The following MRRF variants were observed in gnomAD, a reference collection of about 807,000 sequenced individuals.
MRRF encodes the protein ribosome-recycling factor, mitochondrial.
Under a neutral mutation model 25.1 loss-of-function variants are expected in MRRF, and 18 were observed. The observed-to-expected ratio is 0.72, with a 90% CI of 0.50 to 1.06. The LOEUF is 1.06. MRRF is among the 50% of genes least tolerant of loss of function. MRRF has a pLI of 0.00. For synonymous variants in MRRF, 113 were observed against 112.1 expected, an observed-to-expected ratio of 1.01 and a Z score of -0.05; for missense variants, 323 against 319.3, an observed-to-expected ratio of 1.01 and a Z score of -0.09.
chr9:122,309,083 C>T (rs1015979373), intron 5 of MRRF, among the ~76,000 whole-genome samples: 4 of 152,118 alleles, frequency 2.6e-5, no homozygotes, highest in Non-Finnish European at 2.9e-5. Context: ...TTCTACTTTC[C>T]GTCTCTATGA....
chr9:122,276,701 A>G (rs1832795234), intron 2 of MRRF, among the ~76,000 whole-genome samples: 1 of 152,194 alleles, frequency 6.6e-6, no homozygotes, highest in Admixed American at 6.5e-5. Context: ...TAGAAGGTCC[A>G]AGTGTGCTTG....
chr9:122,278,151 T>C (rs2119081827), intron 2 of MRRF, among the ~76,000 whole-genome samples: 1 of 152,278 alleles, frequency 6.6e-6, no homozygotes, highest in Middle Eastern at 3.4e-3. Flanking sequence ...CTCTCTCTTT[T>C]TTAAATTCTG....
intron 6 of MRRF, among the ~76,000 whole-genome samples, chr9:122,320,680 G>A (rs1322457589): frequency 1.3e-5 from 2 of 152,230 alleles, no homozygotes; most frequent in Non-Finnish European, 2.9e-5. Context: ...CTGAAAAAAT[G>A]CACAGCTGTT....
Position 122,325,828 on chromosome 9 carries a change from T to G in MRRF, c.*3211T>G, listed in dbSNP as rs1836123828. On this transcript the variant is annotated 3_prime_UTR_variant, in exon 7 of 7. Coordinates refer to ENST00000344641, the MANE Select transcript of MRRF (RefSeq NM_138777.5). ...TGTGTGTGTGTGTGTGTTCGTTTCATTTTGTTTTGCCTTTGAGACAGTGTC... is the reference window on the plus strand; with the variant it reads ...TGTGTGTGTGTGTGTGTTCGTTTCAGTTTGTTTTGCCTTTGAGACAGTGTC... The G allele has an allele frequency of 6.6e-6, 1 of 152,126 alleles. No individual in the cohort carries two copies. Among genetic ancestry groups the G allele is most frequent in the Non-Finnish European group, 1.5e-5 (1 of 68,110 alleles). 9.4% of individuals were successfully genotyped at this position (152,126 alleles called of 1,614,324 possible).
rs1206977097 is a variant in MRRF at position 122,325,027 on chromosome 9, T to A, written c.*2410T>A. ...TTCATGAGTGGCCGAAATCCCCCAC[T>A]CACTGCAAATGTGCTTCTCAAAGAT... On this transcript the variant is annotated 3_prime_UTR_variant, in exon 7 of 7. Transcript: ENST00000344641. 6.6e-6 allele frequency: 1 copy of A among 152,204 alleles called. No individual in the cohort carries two copies. Among genetic ancestry groups the A allele is most frequent in the Non-Finnish European group, 1.5e-5 (1 of 68,034 alleles). The allele number at this position is 152,204 out of a possible 1,614,324, so 9.4% of individuals were successfully genotyped here.
At chr9:122,276,497 C>T (rs1416415761) in intron 2 of MRRF, among the ~76,000 whole-genome samples, 2 of 152,142 alleles carry the variant, frequency 1.3e-5, no homozygotes, top group Non-Finnish European at 2.9e-5. Context: ...GGTCATTTCT[C>T]AATATTTAAA....
At chr9:122,271,857 G>A (rs1464366424) in intron 2 of MRRF, among the ~76,000 whole-genome samples, 2 of 152,180 alleles carry the variant, frequency 1.3e-5, no homozygotes, top group Non-Finnish European at 2.9e-5. Context: ...TGGTGGATCA[G>A]GGAGTCCTCC....
At chr9:122,293,846 G>T (rs1043520572) in intron 5 of MRRF, among the ~76,000 whole-genome samples, 3 of 152,098 alleles carry the variant, frequency 2.0e-5, no homozygotes, top group Admixed American at 2.0e-4. Context: ...AATTACTAGG[G>T]CCCACATTTA....
intron 1 of MRRF, among the ~76,000 whole-genome samples, chr9:122,267,283 A>G (rs1308827631): frequency 6.6e-6 from 1 of 150,880 alleles, no homozygotes; most frequent in Non-Finnish European, 1.5e-5. Flanking sequence ...CAGGAGGCTG[A>G]GGCAGGAGAA....
intron 2 of MRRF, among the ~76,000 whole-genome samples, chr9:122,279,937 A>G (rs914554467): frequency 9.2e-5 from 14 of 152,252 alleles, no homozygotes; most frequent in African/African-American, 3.4e-4. Context: ...ATCTGGAACC[A>G]GATCTTGACT....
At position 122,286,020 on chromosome 9, in the gene MRRF, T is replaced by C. The variant is rs769512905; in HGVS notation, c.459+733T>C. 3.3e-4 allele frequency: 424 copies of C among 1,300,820 alleles called. 1 individual carries two copies. Among genetic ancestry groups the C allele is most frequent in the South Asian group, 4.1e-4 (33 of 81,038 alleles). 80.6% of individuals were successfully genotyped at this position (1,300,820 alleles called of 1,614,324 possible). A position where few individuals can be genotyped will look rare whatever the true frequency, so the allele number is the denominator to read the frequency against. Reference sequence around the variant, plus strand: ...GTAGTTGAAGAAGGTAATTGGGCTTTTTGTTATTGGTCCACTAGGAATTGG... The same window carrying C: ...GTAGTTGAAGAAGGTAATTGGGCTTCTTGTTATTGGTCCACTAGGAATTGG... On this transcript the variant is annotated intron_variant, in intron 4 of 6. Coordinates refer to ENST00000344641, the MANE Select transcript of MRRF (RefSeq NM_138777.5).
intron 5 of MRRF, among the ~76,000 whole-genome samples, chr9:122,307,713 T>C (rs1480401882): frequency 6.6e-6 from 1 of 152,234 alleles, no homozygotes; most frequent in Non-Finnish European, 1.5e-5. Flanking sequence ...AGAGGCTGAA[T>C]AGCATACTCA....
chr9:122,291,301 G>T (rs1272355094), intron 4 of MRRF, among the ~76,000 whole-genome samples: 23 of 152,166 alleles, frequency 1.5e-4, no homozygotes, highest in Admixed American at 9.2e-4. Flanking sequence ...GTGCAGATGC[G>T]AATGAGTTAA....
At chr9:122,288,324 TTGTC>T (rs1214384526) in intron 4 of MRRF, among the ~76,000 whole-genome samples, 3 of 152,250 alleles carry the variant, frequency 2.0e-5, no homozygotes, top group African/African-American at 7.2e-5. Flanking sequence ...TGTGTATTGA[TTGTC>T]TGCTTTGTTG....
At chr9:122,269,121 G>A (rs1284597371) in intron 1 of MRRF, among the ~76,000 whole-genome samples, 3 of 151,120 alleles carry the variant, frequency 2.0e-5, no homozygotes. Flanking sequence ...AGCCGAGATC[G>A]TGCCACTGCA....
At chr9:122,299,007 G>A (rs1364703302) in intron 5 of MRRF, among the ~76,000 whole-genome samples, 3 of 152,048 alleles carry the variant, frequency 2.0e-5, no homozygotes, top group African/African-American at 7.2e-5. Flanking sequence ...AGCAAGAAGT[G>A]CAAAGGCCCT....
At chr9:122,284,875 T>C (rs1040929408) in intron 3 of MRRF, among the ~76,000 whole-genome samples, 10 of 152,308 alleles carry the variant, frequency 6.6e-5, no homozygotes, top group Middle Eastern at 3.4e-3. Flanking sequence ...CCTCTACCTC[T>C]TGGGTTTGAG....
chr9:122,310,652 A>G (rs1040561348), intron 5 of MRRF, among the ~76,000 whole-genome samples: 1 of 152,234 alleles, frequency 6.6e-6, no homozygotes, highest in Non-Finnish European at 1.5e-5. Flanking sequence ...GCCTCTGGAA[A>G]AGGTGGGCCA....
intron 2 of MRRF, among the ~76,000 whole-genome samples, chr9:122,271,325 T>C (rs567569290): frequency 6.6e-6 from 1 of 152,376 alleles, no homozygotes; most frequent in African/African-American, 2.4e-5. Flanking sequence ...GCCTAATTTC[T>C]TTCTTTTAGA....
Sources: gnomAD v4.1 joint callset for allele counts (sites outside exome capture counted in the v4.1 genomes callset) on GRCh38, gnomAD v4.1.1 for gene constraint, MANE v1.5 for transcripts, NCBI Gene and HGNC (gene_info 2026-07-23, HGNC 2026-07-21) for gene names.